Variants in VPS13B observed in about 807,000 individuals in gnomAD.
VPS13B encodes the protein intermembrane lipid transfer protein VPS13B.
In VPS13B, 285 loss-of-function variants were observed where a neutral mutation model predicts 426.4. The ratio of observed to expected loss-of-function variants is 0.67; its 90% CI spans 0.61 to 0.74. The LOEUF is 0.74. VPS13B is among the 30% of genes least tolerant of loss of function. VPS13B has a pLI of 0.00. For synonymous variants in VPS13B, 1,676 were observed against 1,676.4 expected, an observed-to-expected ratio of 1.00 and a Z score of 0.01; for missense variants, 4,537 against 4,782.6, an observed-to-expected ratio of 0.95 and a Z score of 1.51.
At chr8:99,291,989 A>G (rs1379670076) in intron 19 of VPS13B, among the ~76,000 whole-genome samples, 2 of 152,122 alleles carry the variant, frequency 1.3e-5, no homozygotes, top group African/African-American at 4.8e-5. Flanking sequence ...TCATATTTAA[A>G]AATTTTAAAA....
At chr8:99,037,756 T>C (rs940319269) in intron 2 of VPS13B, among the ~76,000 whole-genome samples, 1 of 151,954 alleles carries the variant, frequency 6.6e-6, no homozygotes, top group East Asian at 1.9e-4. Context: ...TATCTAATGA[T>C]AATGAAAAGC....
intron 33 of VPS13B, among the ~76,000 whole-genome samples, chr8:99,639,113 A>G (rs1226935738): frequency 6.6e-6 from 1 of 152,194 alleles, no homozygotes; most frequent in Non-Finnish European, 1.5e-5. Flanking sequence ...TCCTCATTTT[A>G]CAAATGATAT....
chr8:99,068,315 T>G (rs1844654862), intron 3 of VPS13B, among the ~76,000 whole-genome samples: 1 of 152,270 alleles, frequency 6.6e-6, no homozygotes, highest in African/African-American at 2.4e-5. Flanking sequence ...CTGAACTTTT[T>G]GCCTTTTATA....
chr8:99,291,966 G>A (rs1819761283), intron 19 of VPS13B, among the ~76,000 whole-genome samples: 2 of 152,048 alleles, frequency 1.3e-5, no homozygotes, highest in African/African-American at 4.8e-5. Flanking sequence ...ATTCAGATAA[G>A]TATAATTAGG....
chr8:99,661,281 A>G (rs1463012706), intron 34 of VPS13B, 73 bp from the exon 35 acceptor site: 1 of 1,585,832 alleles, frequency 6.3e-7, no homozygotes, highest in East Asian at 2.2e-5. Flanking sequence ...TCATTTATTA[A>G]CTCAAACTCA....
intron 19 of VPS13B, among the ~76,000 whole-genome samples, chr8:99,290,956 T>A (rs1237216912): frequency 6.6e-6 from 1 of 152,102 alleles, no homozygotes; most frequent in Non-Finnish European, 1.5e-5. Flanking sequence ...TTGAAAGTCA[T>A]TTTAAAGGGT....
intron 54 of VPS13B, among the ~76,000 whole-genome samples, chr8:99,839,026 A>G (rs550532507): frequency 3.3e-5 from 5 of 152,340 alleles, no homozygotes; most frequent in Non-Finnish European, 7.3e-5. Flanking sequence ...GGTCCTATCA[A>G]GGATTTTGGT....
chr8:99,424,612 G>T (rs1452332156), intron 21 of VPS13B: 1 of 152,176 alleles, frequency 6.6e-6, no homozygotes, highest in African/African-American at 2.4e-5. Context: ...AAGCAGGAAA[G>T]ATCTAAAATT....
intron 19 of VPS13B, among the ~76,000 whole-genome samples, chr8:99,343,610 CA>C (rs1383897149): frequency 6.6e-6 from 1 of 152,118 alleles, no homozygotes; most frequent in Non-Finnish European, 1.5e-5. Context: ...AATACAAAAT[CA>C]ACGTACAAAA....
At chr8:99,601,004 AT>A (rs911152778) in intron 33 of VPS13B, among the ~76,000 whole-genome samples, 2 of 151,436 alleles carry the variant, frequency 1.3e-5, no homozygotes, top group East Asian at 1.9e-4. Context: ...CCTTTTTTTA[AT>A]TTTTTTTATT....
intron 30 of VPS13B, among the ~76,000 whole-genome samples, chr8:99,540,560 G>A (rs1823562312): frequency 6.6e-6 from 1 of 151,982 alleles, no homozygotes; most frequent in Non-Finnish European, 1.5e-5. Flanking sequence ...CATATGCTAA[G>A]GTGTGAAGAA....
intron 56 of VPS13B, among the ~76,000 whole-genome samples, chr8:99,858,695 A>AG (rs1272791292): frequency 1.3e-5 from 2 of 152,034 alleles, no homozygotes; most frequent in Admixed American, 6.5e-5. Context: ...AAAAAAAAAA[A>AG]ATGTCCCTGT....
At chr8:99,491,211 GT>G (rs1350166034) in intron 25 of VPS13B, among the ~76,000 whole-genome samples, 2 of 152,130 alleles carry the variant, frequency 1.3e-5, no homozygotes, top group Non-Finnish European at 2.9e-5. Context: ...TAGTTGTGTG[GT>G]TTTGAGCTGA....
At chr8:99,517,738 G>A (rs919732840) in intron 29 of VPS13B, among the ~76,000 whole-genome samples, 1 of 152,012 alleles carries the variant, frequency 6.6e-6, no homozygotes, top group Non-Finnish European at 1.5e-5. Context: ...TAGAGTTAAA[G>A]CAAGGAAGGA....
chr8:99,722,652 G>T (rs1833177644), intron 39 of VPS13B, among the ~76,000 whole-genome samples: 1 of 151,918 alleles, frequency 6.6e-6, no homozygotes, highest in South Asian at 2.1e-4. Context: ...GACTACAGGT[G>T]TCCGCCACCA....
chr8:99,218,131 A>G (rs1370437338), intron 17 of VPS13B, among the ~76,000 whole-genome samples: 1 of 152,188 alleles, frequency 6.6e-6, no homozygotes, highest in African/African-American at 2.4e-5. Context: ...GAGCGTTCAC[A>G]ATAAGTGTAT....
chr8:99,868,172 T>G (rs947704376), intron 58 of VPS13B, 117 bp from the exon 59 acceptor site: 45 of 1,320,302 alleles, frequency 3.4e-5, no homozygotes, highest in Non-Finnish European at 4.6e-5. Flanking sequence ...AGTAAAGACC[T>G]TTATAATGAG....
chr8:99,253,940 A>G (rs1447443608), intron 17 of VPS13B, among the ~76,000 whole-genome samples: 3 of 152,166 alleles, frequency 2.0e-5, no homozygotes. Flanking sequence ...TCACATTTCT[A>G]ACTCATTACA....
At chr8:99,230,992 G>A (rs1333394763) in intron 17 of VPS13B, among the ~76,000 whole-genome samples, 1 of 152,212 alleles carries the variant, frequency 6.6e-6, no homozygotes, top group Non-Finnish European at 1.5e-5. Flanking sequence ...TTTGATAAAT[G>A]AGGCATGTCA....
Sources: gnomAD v4.1 joint callset for allele counts (sites outside exome capture counted in the v4.1 genomes callset) on GRCh38, gnomAD v4.1.1 for gene constraint, MANE v1.5 for transcripts, NCBI Gene and HGNC (gene_info 2026-07-23, HGNC 2026-07-21) for gene names.